The following CTNNA3 variants were observed in gnomAD, a reference collection of about 807,000 sequenced individuals.
The protein encoded by CTNNA3 is catenin alpha 3.
Under a neutral mutation model 95.7 loss-of-function variants are expected in CTNNA3, and 76 were observed. The observed-to-expected ratio is 0.79, with a 90% confidence interval of 0.66 to 0.96. CTNNA3 has a LOEUF of 0.96. Among genes scored for constraint, CTNNA3 ranks in the 40% least tolerant of loss-of-function variants. The pLI is 0.00. For synonymous variants in CTNNA3, 431 were observed against 374.4 expected (o/e 1.15, Z -1.74); for missense variants, 1,191 against 1,089.8 (o/e 1.09, Z -1.31).
At chr10:67,116,258 A>C (rs143588587) in intron 7 of CTNNA3, among the ~76,000 whole-genome samples, 65 of 152,094 alleles carry the variant, frequency 4.3e-4, no homozygotes, top group Non-Finnish European at 7.5e-4. Context: ...AGGCATTTAA[A>C]ATTCTTCTAA....
At chr10:67,749,403 T>A (rs1243661822) in intron 1 of CTNNA3, among the ~76,000 whole-genome samples, 2 of 152,194 alleles carry the variant, frequency 1.3e-5, no homozygotes, top group African/African-American at 4.8e-5. Flanking sequence ...ATTGATCACA[T>A]AATTGGAAGT....
At position 66,927,356 on chromosome 10, in the gene CTNNA3, C is replaced by T. The variant is rs752265322; in HGVS notation, c.1048-151832G>A. The T allele has an allele frequency of 1.7e-5, 27 of 1,614,082 alleles. No homozygotes were observed. Among genetic ancestry groups the T allele is most frequent in the Non-Finnish European group, 2.3e-5 (27 of 1,180,060 alleles). ...GATCTGTCCTATAATCAGCTGCATT[C>T]TCTGGGATCTGAACAGTTTCGGGGC... is the stretch of plus-strand genomic sequence containing the variant. On this transcript the variant is annotated intron_variant, in intron 7 of 17. Transcript: ENST00000433211. This position sits in a 1 kb window ranked among gnomAD's most constrained non-coding sequence, Gnocchi z 4.7.
At chr10:66,089,486 C>T (rs1295533878) in intron 14 of CTNNA3, among the ~76,000 whole-genome samples, 18 of 151,380 alleles carry the variant, frequency 1.2e-4, no homozygotes, top group Non-Finnish European at 2.9e-5. Context: ...TATTCCCTCC[C>T]TGCAAATTAA....
At position 66,379,184 on chromosome 10, in the gene CTNNA3, A is replaced by G. The variant is rs146096912; in HGVS notation, c.1700T>C (p.Val567Ala). 12 of 1,613,982 alleles carry G rather than the reference A, an allele frequency of 7.4e-6. No homozygotes were observed. In the African/African-American group the frequency reaches 1.6e-4, roughly 22 times the overall value. The change falls in exon 12 of 18, where the codon GTA (valine) becomes GCA (alanine). Residue 567 changes from valine (V) to alanine (A), a missense_variant. Coordinates refer to ENST00000433211, the MANE Select transcript of CTNNA3 (RefSeq NM_013266.4). The part of the protein sequence containing the change: ...SYEPGAYTEG[V>A]MRNVNFLTST... ...TGTAAGGAAGTTAACATTTCTCATT[A>G]CACCTTCCGTGTAAGCCCCTGGCTC...
chr10:67,719,872 G>A (rs1040170706), intron 1 of CTNNA3, among the ~76,000 whole-genome samples: 9 of 151,890 alleles, frequency 5.9e-5, no homozygotes, highest in Non-Finnish European at 8.8e-5. Flanking sequence ...TTTCTGTCTC[G>A]TTGATCTGTG....
intron 5 of CTNNA3, among the ~76,000 whole-genome samples, chr10:67,232,913 A>G (rs1316028252): frequency 6.6e-6 from 1 of 152,276 alleles, no homozygotes; most frequent in East Asian, 1.9e-4. Flanking sequence ...AGAGACAAAG[A>G]AGGCCATTAC....
intron 11 of CTNNA3, among the ~76,000 whole-genome samples, chr10:66,506,758 A>C (rs1020071700): frequency 2.0e-5 from 3 of 152,190 alleles, no homozygotes; most frequent in Admixed American, 6.5e-5. Context: ...GAAATGATTA[A>C]CAATCTCCAA....
At chr10:66,844,662 T>A (rs1843185426) in intron 7 of CTNNA3, among the ~76,000 whole-genome samples, 1 of 152,188 alleles carries the variant, frequency 6.6e-6, no homozygotes, top group Admixed American at 6.5e-5. Flanking sequence ...GAAAAAATAG[T>A]TTCATGAATC....
intron 2 of CTNNA3, among the ~76,000 whole-genome samples, chr10:67,626,782 C>CACGT (rs200450440): frequency 1.4e-5 from 2 of 145,308 alleles, no homozygotes; most frequent in Non-Finnish European, 3.0e-5. Flanking sequence ...GTTGTGTCTA[C>CACGT]ATGTATGTGT....
At chr10:66,764,925 T>A (rs999237187) in intron 9 of CTNNA3, among the ~76,000 whole-genome samples, 2 of 152,236 alleles carry the variant, frequency 1.3e-5, no homozygotes, top group Non-Finnish European at 2.9e-5. Flanking sequence ...ACCTCTCATT[T>A]AGTTTAATAA....
Position 66,660,933 on chromosome 10 carries a change from C to T in CTNNA3, c.1282-39149G>A, listed in dbSNP as rs191774160. Among the ~76,000 whole-genome samples, 17 of 152,152 alleles carry T rather than the reference C, an allele frequency of 1.1e-4. No individual in the cohort carries two copies. In the East Asian group the frequency reaches 3.1e-3, roughly 28 times the overall value. On this transcript the variant is annotated intron_variant, in intron 9 of 17. Transcript: ENST00000433211. ...TCTGTATCTTTTATTCAATATTTTC[C>T]CAAGGCCTATGGCAACTAATATTGG...
chr10:67,638,104 G>A (rs1839388493), intron 2 of CTNNA3, among the ~76,000 whole-genome samples: 1 of 152,146 alleles, frequency 6.6e-6, no homozygotes, highest in Non-Finnish European at 1.5e-5. Context: ...TCAGTGTGCT[G>A]CATTCAGGAA....
At position 65,966,679 on chromosome 10, in the gene CTNNA3, T is replaced by A; in HGVS notation, c.2333A>T (p.Gln778Leu). ...YLEQIKFYSH[Q>L]LKICSQVKAE... ...TTTAACTTGACTGCAGATTTTCAGT[T>A]GGTGGGAGTAGAACTTAATCTGTTC... The change falls in exon 17 of 18, where the codon CAA becomes CTA. Residue 778 changes from glutamine (Q) to leucine (L), a missense_variant. Gln to Leu is a moderately radical substitution (Grantham distance 113). Transcript: ENST00000433211. The A allele has an allele frequency of 6.2e-7, 1 of 1,613,880 alleles. No homozygotes were observed. Among genetic ancestry groups the A allele is most frequent in the Non-Finnish European group, 8.5e-7 (1 of 1,179,810 alleles).
intron 13 of CTNNA3, among the ~76,000 whole-genome samples, chr10:66,276,987 T>C (rs546788274): frequency 1.3e-5 from 2 of 152,216 alleles, no homozygotes; most frequent in East Asian, 3.9e-4. Context: ...AATAGTTGTA[T>C]AATTTACACA....
intron 17 of CTNNA3, among the ~76,000 whole-genome samples, chr10:65,943,619 C>A (rs902258402): frequency 6.6e-6 from 1 of 152,154 alleles, no homozygotes; most frequent in African/African-American, 2.4e-5. Flanking sequence ...TGGACACAGA[C>A]AAGATGGGAA....
intron 1 of CTNNA3, among the ~76,000 whole-genome samples, chr10:67,744,908 A>G (rs1196161150): frequency 6.6e-6 from 1 of 152,182 alleles, no homozygotes; most frequent in Admixed American, 6.5e-5. Flanking sequence ...ACATGAAAAA[A>G]TGCTCATCAT....
At chr10:66,994,821 TGAGAA>T (rs1851240128) in intron 7 of CTNNA3, among the ~76,000 whole-genome samples, 1 of 152,198 alleles carries the variant, frequency 6.6e-6, no homozygotes, top group Non-Finnish European at 1.5e-5. Flanking sequence ...ATCAGTCCTT[TGAGAA>T]TTTCTATACA....
chr10:66,032,030 G>T (rs1589270788), intron 15 of CTNNA3, among the ~76,000 whole-genome samples: 1 of 152,100 alleles, frequency 6.6e-6, no homozygotes, highest in African/African-American at 2.4e-5. Context: ...GAAATAGAAA[G>T]ATATTTAGTT....
chr10:66,840,959 T>C (rs1230271205), intron 7 of CTNNA3, among the ~76,000 whole-genome samples: 1 of 152,214 alleles, frequency 6.6e-6, no homozygotes, highest in Non-Finnish European at 1.5e-5. Flanking sequence ...AAGGTTTCTT[T>C]CTAATTTTGT....
Sources: allele counts gnomAD v4.1 joint callset (sites outside exome capture counted in the v4.1 genomes callset), GRCh38; gene constraint gnomAD v4.1.1; non-coding constraint Gnocchi (gnomAD v3.1); transcripts MANE v1.5; gene names NCBI Gene and HGNC (gene_info 2026-07-23, HGNC 2026-07-21).